The following KCNQ3 variants were observed in gnomAD, a reference collection of about 807,000 sequenced individuals.
KCNQ3 encodes the protein potassium voltage-gated channel subfamily Q member 3, also known as potassium voltage-gated channel subfamily KQT member 3.
Under a neutral mutation model 92.5 loss-of-function variants are expected in KCNQ3, and 30 were observed. The ratio of observed to expected loss-of-function variants is 0.32; its 90% CI spans 0.24 to 0.44. The LOEUF is 0.44. Ranked by LOEUF, KCNQ3 falls within the 20% of genes least tolerant of loss-of-function variation. The pLI is 1.00. For missense variants in KCNQ3, 913 were observed against 1,140.3 expected (o/e 0.80, Z 2.87); for synonymous variants, 450 against 468.8 (o/e 0.96, Z 0.52).
chr8:132,195,152 A>G (rs1349839793), intron 1 of KCNQ3, among the ~76,000 whole-genome samples: 1 of 152,206 alleles, frequency 6.6e-6, no homozygotes, highest in East Asian at 1.9e-4. Flanking sequence ...TAACATTTAT[A>G]CTTTTTCTCT....
chr8:132,134,701 G>A (rs1825018591), intron 12 of KCNQ3, among the ~76,000 whole-genome samples: 1 of 152,100 alleles, frequency 6.6e-6, no homozygotes, highest in East Asian at 1.9e-4. Context: ...TATCCCAGGA[G>A]AGAGGGAGGC....
rs545275781 is a variant in KCNQ3 at position 132,263,602 on chromosome 8, G to T, written c.387-77421C>A. Among the ~76,000 whole-genome samples, 7 of 152,298 alleles carry T rather than the reference G, an allele frequency of 4.6e-5. No individual in the cohort carries two copies. The East Asian group carries it at 7.7e-4, about 17-fold the overall frequency. ...ATTTAAATACACCATAAGGAACAAA[G>T]AAAAACTTGTGGACCAAAGTCAAAA... On this transcript the variant is annotated intron_variant, in intron 1 of 14. Transcript: ENST00000388996.
intron 4 of KCNQ3, among the ~76,000 whole-genome samples, chr8:132,176,208 T>C (rs1349030350): frequency 6.6e-6 from 1 of 152,188 alleles, no homozygotes; most frequent in Non-Finnish European, 1.5e-5. Context: ...CAAAAGAAGG[T>C]ATCAAGCCTG....
intron 1 of KCNQ3, among the ~76,000 whole-genome samples, chr8:132,446,596 G>A (rs955890164): frequency 1.3e-5 from 2 of 152,200 alleles, no homozygotes; most frequent in South Asian, 2.1e-4. Flanking sequence ...CAACCAGGAT[G>A]AGTCTATGTG....
At chr8:132,182,849 AT>A (rs1402398253) in intron 3 of KCNQ3, among the ~76,000 whole-genome samples, 6 of 152,056 alleles carry the variant, frequency 3.9e-5, no homozygotes, top group Non-Finnish European at 8.8e-5. Flanking sequence ...AGAAAGAAAT[AT>A]GAAAAAATCA....
chr8:132,451,512 G>T (rs1015944386), intron 1 of KCNQ3, among the ~76,000 whole-genome samples: 1 of 152,202 alleles, frequency 6.6e-6, no homozygotes, highest in African/African-American at 2.4e-5. Flanking sequence ...TGTCCCCACA[G>T]CTTGCATTTT....
chr8:132,220,716 T>C lies in KCNQ3; in HGVS notation c.387-34535A>G, dbSNP rs534690839. 3.9e-5 allele frequency among the ~76,000 whole-genome samples: 6 copies of C among 152,230 alleles called. No individual in the cohort carries two copies. The East Asian group carries it at 1.2e-3, about 29-fold the overall frequency. On this transcript the variant is annotated intron_variant, in intron 1 of 14. Transcript: ENST00000388996. ...GTGAGTCAAGATGGCATGACTGCTT[T>C]CCAGCCTGAGTGACAGCGTAAGATA...
intron 9 of KCNQ3, among the ~76,000 whole-genome samples, chr8:132,144,546 G>C (rs1825395946): frequency 1.3e-5 from 2 of 152,166 alleles, no homozygotes; most frequent in Non-Finnish European, 2.9e-5. Flanking sequence ...GTTAAGTGCA[G>C]GCAAACAACT....
chr8:132,282,340 G>A (rs1485653467), intron 1 of KCNQ3, among the ~76,000 whole-genome samples: 2 of 152,180 alleles, frequency 1.3e-5, no homozygotes, highest in Non-Finnish European at 2.9e-5. Flanking sequence ...TTTAACAGGT[G>A]AGAAACTTCA....
intron 1 of KCNQ3, among the ~76,000 whole-genome samples, chr8:132,370,923 T>C (rs529546951): frequency 1.4e-4 from 21 of 152,274 alleles, no homozygotes; most frequent in African/African-American, 4.6e-4. Context: ...AACTGAGGCA[T>C]AGAAAGTTAC....
chr8:132,203,735 AG>A (rs1211526996), intron 1 of KCNQ3, among the ~76,000 whole-genome samples: 3 of 152,218 alleles, frequency 2.0e-5, no homozygotes, highest in East Asian at 3.8e-4. Context: ...TTAAACTCAA[AG>A]GGTTGCTGTG....
intron 9 of KCNQ3, among the ~76,000 whole-genome samples, chr8:132,158,774 C>T (rs1232820065): frequency 6.6e-6 from 1 of 152,204 alleles, no homozygotes; most frequent in Admixed American, 6.5e-5. Context: ...GTGCTTACAA[C>T]TATGCCGGGG....
At chr8:132,326,517 A>G (rs559032913) in intron 1 of KCNQ3, among the ~76,000 whole-genome samples, 17 of 152,350 alleles carry the variant, frequency 1.1e-4, no homozygotes, top group Admixed American at 9.1e-4. Context: ...TTGAAATTTA[A>G]GCCCTAATGC....
intron 1 of KCNQ3, among the ~76,000 whole-genome samples, chr8:132,229,040 G>A (rs1015493863): frequency 6.6e-6 from 1 of 152,138 alleles, no homozygotes; most frequent in Admixed American, 6.5e-5. Context: ...TGGATCACGA[G>A]GTCAAGAGAT....
chr8:132,480,392 G>A lies in KCNQ3; in HGVS notation c.141C>T (p.Pro47=), dbSNP rs563366275. ...GDEERKVGLA[P]GDVEQVTLAL... ...CCAAGGTGACTTGCTCCACGTCGCC[G>A]GGCGCCAGCCCCACTTTCCGCTCCT... Residue 47 remains proline (P), a synonymous_variant, in exon 1 of 15, where the codon CCC becomes CCT. Transcript: ENST00000388996. The A allele has an allele frequency of 1.4e-5, 21 of 1,553,138 alleles. No homozygotes were observed. The African/African-American group carries it at 1.5e-4, about 11-fold the overall frequency.
chr8:132,346,874 T>C (rs2130696962), intron 1 of KCNQ3, among the ~76,000 whole-genome samples: 1 of 152,278 alleles, frequency 6.6e-6, no homozygotes, highest in South Asian at 2.1e-4. Flanking sequence ...ACGGCTGTTT[T>C]GTGGGAAGGG....
chr8:132,325,151 TG>T (rs1472328728), intron 1 of KCNQ3, among the ~76,000 whole-genome samples: 1 of 152,044 alleles, frequency 6.6e-6, no homozygotes. Context: ...AGCCTTGTCC[TG>T]GGGTCCTGGC....
rs112590594 is a variant in KCNQ3 at position 132,474,411 on chromosome 8, A to T, written c.386+5736T>A. ...TCCAAGTCTAGCATGTTTTTCATAA[A>T]ATCAGAATCTCTTTCAGCCATAAGG... On this transcript the variant is annotated intron_variant, in intron 1 of 14. Transcript: ENST00000388996. 4.2e-4 allele frequency among the ~76,000 whole-genome samples: 64 copies of T among 152,214 alleles called. 1 individual carries two copies. The highest frequency in any genetic ancestry group is 1.4e-3 in the African/African-American group (58 of 41,542).
chr8:132,411,510 G>T (rs1370502999), intron 1 of KCNQ3, among the ~76,000 whole-genome samples: 1 of 152,130 alleles, frequency 6.6e-6, no homozygotes, highest in Non-Finnish European at 1.5e-5. Context: ...GCACTGCAGG[G>T]GTAGAAACAC....
Sources: allele counts gnomAD v4.1 joint callset (sites outside exome capture counted in the v4.1 genomes callset), GRCh38; gene constraint gnomAD v4.1.1; transcripts MANE v1.5; gene names NCBI Gene and HGNC (gene_info 2026-07-23, HGNC 2026-07-21).